The following BMPR1B variants were observed in gnomAD, a reference collection of about 807,000 sequenced individuals.
BMPR1B encodes the protein bone morphogenetic protein receptor type-1B.
BMPR1B carries 12 observed loss-of-function variants against 59.1 expected under a neutral mutation model. The ratio of observed to expected loss-of-function variants is 0.20; its 90% CI spans 0.13 to 0.33. The LOEUF is 0.33. Ranked by LOEUF, BMPR1B falls within the 10% of genes least tolerant of loss-of-function variation. The pLI is 1.00. For synonymous variants in BMPR1B, 237 were observed against 207.3 expected (o/e 1.14, Z -1.23); for missense variants, 550 against 610.9 (o/e 0.90, Z 1.05).
intron 3 of BMPR1B, among the ~76,000 whole-genome samples, chr4:95,016,240 A>G (rs1323640085): frequency 6.6e-6 from 1 of 152,248 alleles, no homozygotes; most frequent in Non-Finnish European, 1.5e-5. Context: ...ACATTGGTCC[A>G]GATATTACAA....
At position 94,770,182 on chromosome 4, in the gene BMPR1B, G is replaced by GTTTTTTTTTTTTTTTTTTTT. The variant is rs1215939344; in HGVS notation, c.-183+12117_-183+12118insTTTTTTTTTTTTTTTTTTTT. Among the ~76,000 whole-genome samples the GTTTTTTTTTTTTTTTTTTTT allele has an allele frequency of 1.0e-3, 40 of 39,980 alleles. 4 individuals carry two copies. The highest frequency in any genetic ancestry group is 1.6e-3 in the Admixed American group (5 of 3,100). The allele number at this position is 39,980 out of a possible 152,430, so 26.2% of individuals were successfully genotyped here. The stretch of plus-strand genomic sequence containing the variant: ...TGTTTGAATTGTCCTTCGTTTCTGT[G>GTTTTTTTTTTTTTTTTTTTT]TTTGTTTTTTTTTTTTTTTTTTGCG... On this transcript the variant is annotated intron_variant, in intron 1 of 12. Transcript: ENST00000515059.
chr4:94,824,782 A>G (rs529890656), intron 1 of BMPR1B, among the ~76,000 whole-genome samples: 1 of 152,138 alleles, frequency 6.6e-6, no homozygotes, highest in Non-Finnish European at 1.5e-5. Flanking sequence ...ACGTTTTTAT[A>G]TTGGGTAAAT....
rs752827445 is a variant in BMPR1B, at chr4:95,154,575, A to G, written c.1411A>G (p.Thr471Ala). 2 of 1,614,150 alleles carry G rather than the reference A, an allele frequency of 1.2e-6. No homozygotes were observed. The highest frequency in any genetic ancestry group is 1.7e-6 in the Non-Finnish European group (2 of 1,179,990). Residue 471 changes from threonine (T) to alanine (A), a missense_variant, in exon 13 of 13, where the codon ACA becomes GCA. Thr to Ala is a moderately conservative substitution (Grantham distance 58). This residue lies in a region of BMPR1B where 123 missense variants were observed against 164.6 expected (regional missense o/e 0.75). Transcript: ENST00000515059. ...TCTAAGGCAGATGGGAAAACTCATG[A>G]CAGAATGCTGGGCTCACAATCCTGC... is the stretch of plus-strand genomic sequence containing the variant. ...ECLRQMGKLMTECWAHNPASR... is the reference protein window; with the variant it reads ...ECLRQMGKLMAECWAHNPASR...
intron 1 of BMPR1B, among the ~76,000 whole-genome samples, chr4:94,862,863 T>C (rs890069097): frequency 2.0e-5 from 3 of 148,638 alleles, no homozygotes; most frequent in Non-Finnish European, 4.4e-5. Flanking sequence ...GAGAATGGCG[T>C]CAACCCGGGA....
chr4:95,132,811 T>G (rs555812639), intron 10 of BMPR1B, among the ~76,000 whole-genome samples: 23 of 152,300 alleles, frequency 1.5e-4, no homozygotes, highest in African/African-American at 5.5e-4. Flanking sequence ...TCTGTTCCAT[T>G]CTCTTTGGAC....
intron 1 of BMPR1B, among the ~76,000 whole-genome samples, chr4:94,830,796 T>A (rs1231552110): frequency 6.6e-6 from 1 of 152,180 alleles, no homozygotes; most frequent in Non-Finnish European, 1.5e-5. Flanking sequence ...ACTGTAGCCA[T>A]CGTAACGCCA....
chr4:95,143,763 G>A (rs902778601), intron 10 of BMPR1B, among the ~76,000 whole-genome samples: 6 of 152,134 alleles, frequency 3.9e-5, no homozygotes, highest in Non-Finnish European at 7.4e-5. Flanking sequence ...AACCTCATTC[G>A]TACCTGGTAC....
At chr4:95,071,652 G>GTATA (rs58148216) in intron 3 of BMPR1B, among the ~76,000 whole-genome samples, 8,321 of 83,976 alleles carry the variant, frequency 0.099, 438 homozygotes, top group East Asian at 0.25. Context: ...GTGTGTGTGT[G>GTATA]TATATATATA....
chr4:95,045,349 G>C (rs980076598), intron 3 of BMPR1B, among the ~76,000 whole-genome samples: 3 of 152,134 alleles, frequency 2.0e-5, no homozygotes, highest in Non-Finnish European at 2.9e-5. Context: ...AAAGTAACCT[G>C]TGCTTACCTC....
chr4:95,121,286 A>G (rs1579113373), intron 6 of BMPR1B, among the ~76,000 whole-genome samples: 1 of 152,366 alleles, frequency 6.6e-6, no homozygotes, highest in East Asian at 1.9e-4. Flanking sequence ...GAGACAACAC[A>G]AATGGAAAAA....
intron 3 of BMPR1B, among the ~76,000 whole-genome samples, chr4:95,072,691 ATACT>A (rs371732772): frequency 1.8e-3 from 280 of 152,298 alleles, no homozygotes; most frequent in African/African-American, 4.7e-3. Flanking sequence ...AGAAAACTAC[ATACT>A]TATGTTTTAG....
intron 1 of BMPR1B, among the ~76,000 whole-genome samples, chr4:94,835,657 GT>G (rs1363632753): frequency 6.6e-6 from 1 of 150,444 alleles, no homozygotes; most frequent in Non-Finnish European, 1.5e-5. Context: ...TTAAGTATAA[GT>G]TTTGTAAAAC....
At chr4:95,051,882 A>G (rs1726531649) in intron 3 of BMPR1B, 8 of 1,088,494 alleles carry the variant, frequency 7.3e-6, no homozygotes, top group Admixed American at 2.3e-5. Context: ...CAATGTCTAT[A>G]AAGTTCCATC....
chr4:95,036,249 A>G (rs1020860351), intron 3 of BMPR1B, among the ~76,000 whole-genome samples: 1 of 152,076 alleles, frequency 6.6e-6, no homozygotes, highest in East Asian at 1.9e-4. Flanking sequence ...CATTATTTTA[A>G]AATGTATAAT....
chr4:94,821,927 T>C (rs958435389), intron 1 of BMPR1B, among the ~76,000 whole-genome samples: 12 of 152,262 alleles, frequency 7.9e-5, no homozygotes, highest in African/African-American at 2.9e-4. Context: ...TTCTGTGTGC[T>C]GTGCATAGCT....
rs561050242 is a variant in BMPR1B at position 94,840,090 on chromosome 4, C to T, written c.-182-35741C>T. 5.4e-4 allele frequency among the ~76,000 whole-genome samples: 82 copies of T among 151,324 alleles called. 1 individual carries two copies. The highest frequency in any genetic ancestry group is 1.5e-3 in the Admixed American group (23 of 15,220). ...TCTTTAAGAATGTTGAATATTGGCC[C>T]CCACTCCCTTCTGGCTTGTAGAGTT... On this transcript the variant is annotated intron_variant, in intron 1 of 12. Transcript: ENST00000515059.
chr4:94,929,342 T>C (rs1337205614), intron 2 of BMPR1B, among the ~76,000 whole-genome samples: 4 of 152,116 alleles, frequency 2.6e-5, no homozygotes, highest in Non-Finnish European at 5.9e-5. Context: ...CTAGAACCAC[T>C]CTCTGTATGT....
At chr4:95,013,478 C>A (rs1054717429) in intron 3 of BMPR1B, among the ~76,000 whole-genome samples, 3 of 152,100 alleles carry the variant, frequency 2.0e-5, no homozygotes, top group Admixed American at 1.3e-4. Flanking sequence ...CCCAGGCTAG[C>A]TATTTGTACT....
At chr4:94,770,256 C>T (rs1197928450) in intron 1 of BMPR1B, among the ~76,000 whole-genome samples, 1 of 137,554 alleles carries the variant, frequency 7.3e-6, no homozygotes, top group East Asian at 2.0e-4. Context: ...TTTTGGAGAG[C>T]TAGTCTATGT....
Sources: allele counts gnomAD v4.1 joint callset (sites outside exome capture counted in the v4.1 genomes callset), GRCh38; gene constraint gnomAD v4.1.1; regional missense constraint gnomAD v4.1.1; transcripts MANE v1.5; gene names NCBI Gene and HGNC (gene_info 2026-07-23, HGNC 2026-07-21).